The following LSM7 variants were observed in gnomAD, a reference collection of about 807,000 sequenced individuals.
LSM7 encodes U6 snRNA-associated Sm-like protein LSm7.
LSM7 carries 13 observed loss-of-function variants against 14.1 expected under a neutral mutation model. The ratio of observed to expected loss-of-function variants is 0.92; its 90% CI spans 0.60 to 1.47. LSM7 has a LOEUF of 1.47. LSM7 is among the 40% of genes most tolerant of loss of function. LSM7 has a pLI of 0.00. For missense variants in LSM7, 108 were observed against 140.8 expected (o/e 0.77, Z 1.18); for synonymous variants, 70 against 57.1 (o/e 1.23, Z -1.02).
At chr19:2,328,506 T>TG in intron 1 of LSM7, 29 bp from the exon 2 acceptor site, 3 of 1,612,120 alleles carry the variant, frequency 1.9e-6, no homozygotes, top group Non-Finnish European at 2.5e-6. Context: ...GCATGAGACC[T>TG]GGAGCGCGGC....
intron 3 of LSM7, among the ~76,000 whole-genome samples, chr19:2,323,565 G>A (rs372731217): frequency 6.6e-6 from 1 of 151,968 alleles, no homozygotes; most frequent in East Asian, 1.9e-4. Flanking sequence ...ATTCTCCTGC[G>A]TCAGCCTCCC....
chr19:2,322,335 C>T (rs998284213), intron 3 of LSM7, among the ~76,000 whole-genome samples: 9 of 152,036 alleles, frequency 5.9e-5, no homozygotes, highest in African/African-American at 1.9e-4. Flanking sequence ...GTCAGGAGAT[C>T]GAGACCATCC....
rs202074950 is a variant in LSM7 at position 2,328,427 on chromosome 19, G to A, written c.57C>T (p.Ile19=). The change falls in exon 2 of 4, where the codon ATC becomes ATT. Residue 19 remains isoleucine (I), a synonymous_variant. Coordinates refer to ENST00000252622, the MANE Select transcript of LSM7 (RefSeq NM_016199.3). ...KESILDLSKY[I]DKTIRVKFQG... ...GGAACTTTACCCGGATCGTCTTGTC[G>A]ATGTACTTGGACAAGTCCAAGATGC... 1 of 1,613,938 alleles carries A rather than the reference G, an allele frequency of 6.2e-7. No homozygotes were observed. Among genetic ancestry groups the A allele is most frequent in the African/African-American group, 1.3e-5 (1 of 75,046 alleles).
Position 2,321,760 on chromosome 19 carries a change from C to T in LSM7, c.232G>A (p.Gly78Ser), listed in dbSNP as rs1160076931. 6.4e-7 allele frequency: 1 copy of T among 1,561,274 alleles called. No homozygotes were observed. Among genetic ancestry groups the T allele is most frequent in the Non-Finnish European group, 8.7e-7 (1 of 1,153,814 alleles). The change falls in exon 4 of 4, where the codon GGC (glycine) becomes AGC (serine). Residue 78 changes from glycine to serine, a missense_variant. Physicochemically the swap from Gly to Ser is moderately conservative, Grantham distance 56. Transcript: ENST00000252622. The surrounding 1 kb of genome is among the most constrained non-coding windows in gnomAD (Gnocchi z 5.0). ...GGGCAGATTAGCACCACGGACGTGC[C>T]CCGGCACACCACGAGGCCCAGCTGC... ...TRQLGLVVCR[G>S]TSVVLICPQD...
chr19:2,324,012 G>T, intron 3 of LSM7, 113 bp downstream of exon 3: 1 of 890,512 alleles, frequency 1.1e-6, no homozygotes, highest in Non-Finnish European at 1.7e-6. Flanking sequence ...AGAAGAGCCA[G>T]CAGGGAGCCC....
chr19:2,328,512 G>A (rs769432795), intron 1 of LSM7, 35 bp from the exon 2 acceptor site: 9 of 1,610,754 alleles, frequency 5.6e-6, no homozygotes, highest in South Asian at 2.2e-5. Context: ...GACCTGGAGC[G>A]CGGCCCGAGC....
At chr19:2,327,871 A>G (rs1599182511) in intron 2 of LSM7, 1 of 153,538 alleles carries the variant, frequency 6.5e-6, no homozygotes, top group East Asian at 1.9e-4. Context: ...TGCCTCAATT[A>G]CATTACATGC....
At position 2,321,684 on chromosome 19, in the gene LSM7, G is replaced by A. The variant is rs960489514; in HGVS notation, c.308C>T (p.Ala103Val). The change falls in exon 4 of 4, where the codon GCC becomes GTC. Residue 103 changes from alanine (A) to valine (V), a missense_variant. Ala to Val is a moderately conservative substitution (Grantham distance 64, BLOSUM62 0). Coordinates refer to ENST00000252622, the MANE Select transcript of LSM7 (RefSeq NM_016199.3). This position sits in a 1 kb window ranked among gnomAD's most constrained non-coding sequence, Gnocchi z 5.0. Reference protein sequence around the residue: ...IPNPFIQQQDA With the variant: ...IPNPFIQQQDV Reference sequence around the variant, plus strand: ...CCCCCCGCGCCCCCGGCCAGGCTAGGCGTCCTGCTGCTGGATGAAGGGGTT... The same window carrying A: ...CCCCCCGCGCCCCCGGCCAGGCTAGACGTCCTGCTGCTGGATGAAGGGGTT... 6.5e-7 allele frequency: 1 copy of A among 1,537,932 alleles called. No individual in the cohort carries two copies.
At position 2,321,755 on chromosome 19, in the gene LSM7, C is replaced by G. The variant is rs201627684; in HGVS notation, c.237G>C (p.Thr79=). ...CCTGCGGGCAGATTAGCACCACGGA[C>G]GTGCCCCGGCACACCACGAGGCCCA... ...RQLGLVVCRG[T]SVVLICPQDG... is the part of the protein sequence containing the mutation. Residue 79 remains threonine, a synonymous_variant, in exon 4 of 4, where the codon ACG becomes ACC. Coordinates refer to ENST00000252622, the MANE Select transcript of LSM7 (RefSeq NM_016199.3). The surrounding 1 kb of genome is among the most constrained non-coding windows in gnomAD (Gnocchi z 5.0). The G allele has an allele frequency of 2.6e-6, 4 of 1,562,118 alleles. No individual in the cohort carries two copies. The Admixed American group carries it at 7.6e-5, about 30-fold the overall frequency.
chr19:2,323,519 C>CG (rs1967966125), intron 3 of LSM7, among the ~76,000 whole-genome samples: 1 of 152,132 alleles, frequency 6.6e-6, no homozygotes, highest in African/African-American at 2.4e-5. Context: ...TGCACCATCT[C>CG]GGCTCACTGC....
intron 2 of LSM7, chr19:2,326,103 T>A (rs1200654633): frequency 6.6e-6 from 1 of 152,222 alleles, no homozygotes; most frequent in African/African-American, 2.4e-5. Context: ...GGAGCCAAGG[T>A]GCCCCTCCTC....
At chr19:2,323,612 A>T (rs991328030) in intron 3 of LSM7, among the ~76,000 whole-genome samples, 1 of 152,052 alleles carries the variant, frequency 6.6e-6, no homozygotes, top group Non-Finnish European at 1.5e-5. Context: ...CACCACACCC[A>T]GCAATTTTTT....
At position 2,321,607 on chromosome 19, in the gene LSM7, G is replaced by T; in HGVS notation, c.*73C>A. 1.5e-6 allele frequency: 2 copies of T among 1,308,344 alleles called. No individual in the cohort carries two copies. Among genetic ancestry groups the T allele is most frequent in the Admixed American group, 3.9e-5 (1 of 25,578 alleles). 81.0% of individuals were successfully genotyped at this position (1,308,344 alleles called of 1,614,324 possible). A position where few individuals can be genotyped will look rare whatever the true frequency, so the allele number is the denominator to read the frequency against. The stretch of plus-strand genomic sequence containing the variant: ...CCGTTCCAGGAGGCGGTACTGCGGT[G>T]GGAGCAGCAGCCAAGTCCGCGGGAA... On this transcript the variant is annotated 3_prime_UTR_variant, in exon 4 of 4. Coordinates refer to ENST00000252622, the MANE Select transcript of LSM7 (RefSeq NM_016199.3). The surrounding 1 kb of genome is among the most constrained non-coding windows in gnomAD (Gnocchi z 5.0).
chr19:2,322,399 G>A (rs1388696330), intron 3 of LSM7, among the ~76,000 whole-genome samples: 2 of 152,156 alleles, frequency 1.3e-5, no homozygotes, highest in African/African-American at 4.8e-5. Flanking sequence ...AAATTAGCCG[G>A]GCGTGGTGGC....
intron 2 of LSM7, chr19:2,324,978 G>A (rs1967992478): frequency 6.6e-6 from 1 of 152,380 alleles, no homozygotes; most frequent in Non-Finnish European, 1.5e-5. Flanking sequence ...CCTGTGCTGA[G>A]TCCCTCAGTG....
intron 2 of LSM7, among the ~76,000 whole-genome samples, chr19:2,326,308 C>CTTTT (rs763242978): frequency 9.1e-6 from 1 of 109,782 alleles, no homozygotes; most frequent in African/African-American, 3.7e-5. Flanking sequence ...ACCCTTTCTG[C>CTTTT]TTTTTGTGTG....
At chr19:2,324,043 CA>C in intron 3 of LSM7, 81 bp downstream of exon 3, 1 of 881,236 alleles carries the variant, frequency 1.1e-6, no homozygotes, top group South Asian at 1.7e-5. Context: ...CCCCTCGTCC[CA>C]CTGCCCCCCT....
chr19:2,325,469 G>A (rs563470509), intron 2 of LSM7, among the ~76,000 whole-genome samples: 2 of 152,238 alleles, frequency 1.3e-5, no homozygotes, highest in African/African-American at 4.8e-5. Context: ...CAGCCCTTAC[G>A]GTGCTGCCCT....
intron 2 of LSM7, 80 bp downstream of exon 2, chr19:2,328,307 G>C: frequency 4.3e-6 from 5 of 1,165,070 alleles, no homozygotes; most frequent in Non-Finnish European, 6.2e-6. Context: ...AGGTGCTTCC[G>C]CATGCGTCCT....
Sources: allele counts gnomAD v4.1 joint callset (sites outside exome capture counted in the v4.1 genomes callset), GRCh38; gene constraint gnomAD v4.1.1; non-coding constraint Gnocchi (gnomAD v3.1); transcripts MANE v1.5; gene names NCBI Gene and HGNC (gene_info 2026-07-23, HGNC 2026-07-21).